Variants in WWOX observed in about 807,000 individuals in gnomAD.
The protein encoded by WWOX is WW domain-containing oxidoreductase.
Under a neutral mutation model 46.2 loss-of-function variants are expected in WWOX, and 69 were observed. That is an observed-to-expected ratio of 1.49 (90% CI 1.23 to 1.82). WWOX has a LOEUF of 1.82. WWOX is among the 40% of genes most tolerant of loss of function. The pLI, the probability that WWOX is intolerant of heterozygous loss-of-function variation, is 0.00. For missense variants in WWOX, 919 were observed against 542.6 expected (o/e 1.69, Z -6.89); for synonymous variants, 359 against 202.6 (o/e 1.77, Z -6.56).
intron 8 of WWOX, among the ~76,000 whole-genome samples, chr16:78,561,569 G>A (rs780493086): frequency 8.6e-5 from 13 of 151,612 alleles, no homozygotes; most frequent in Admixed American, 7.9e-4. Context: ...AGAATTTTAT[G>A]TATCAAAGCC....
At chr16:78,764,019 T>G (rs1275360821) in intron 8 of WWOX, among the ~76,000 whole-genome samples, 1 of 152,298 alleles carries the variant, frequency 6.6e-6, no homozygotes, top group East Asian at 1.9e-4. Context: ...AGATCATGCT[T>G]GGAGTGGCAC....
At chr16:78,725,534 A>G (rs1483150971) in intron 8 of WWOX, among the ~76,000 whole-genome samples, 1 of 150,822 alleles carries the variant, frequency 6.6e-6, no homozygotes, top group African/African-American at 2.4e-5. Flanking sequence ...TTTAGTAGAA[A>G]TGGGGTTTCA....
chr16:79,192,603 C>T (rs1289552003), intron 8 of WWOX, among the ~76,000 whole-genome samples: 1 of 152,198 alleles, frequency 6.6e-6, no homozygotes, highest in East Asian at 1.9e-4. Flanking sequence ...CCTAGGTATT[C>T]AGAAGCACCC....
chr16:78,528,808 C>T (rs1160755972), intron 8 of WWOX, among the ~76,000 whole-genome samples: 2 of 152,072 alleles, frequency 1.3e-5, no homozygotes, highest in African/African-American at 2.4e-5. Context: ...TCGTGTTCAG[C>T]ATTAAGGATT....
intron 8 of WWOX, among the ~76,000 whole-genome samples, chr16:78,569,038 C>T (rs375860507): frequency 2.0e-5 from 3 of 152,246 alleles, no homozygotes; most frequent in African/African-American, 7.2e-5. Flanking sequence ...TTGGAGGCAC[C>T]TGGGTGTCAG....
chr16:78,289,477 G>A (rs976786782), intron 5 of WWOX, among the ~76,000 whole-genome samples: 1 of 152,134 alleles, frequency 6.6e-6, no homozygotes, highest in Non-Finnish European at 1.5e-5. Context: ...AAGGAACAGG[G>A]TAGCAACTCT....
At chr16:78,469,713 G>A (rs1044620873) in intron 8 of WWOX, among the ~76,000 whole-genome samples, 2 of 152,282 alleles carry the variant, frequency 1.3e-5, no homozygotes, top group Admixed American at 6.5e-5. Flanking sequence ...GCTGGGCCAT[G>A]GGTTGTGTTT....
chr16:79,172,441 C>T (rs966080482), intron 8 of WWOX, among the ~76,000 whole-genome samples: 9 of 152,176 alleles, frequency 5.9e-5, no homozygotes, highest in African/African-American at 2.2e-4. Context: ...AACTCAAGAG[C>T]AGCAACCACT....
chr16:78,944,042 C>A (rs915651455), intron 8 of WWOX, among the ~76,000 whole-genome samples: 7 of 152,122 alleles, frequency 4.6e-5, no homozygotes, highest in African/African-American at 1.7e-4. Context: ...TAAACAAAAA[C>A]ACAAAATCAA....
At chr16:78,125,780 A>G (rs553843968) in intron 4 of WWOX, among the ~76,000 whole-genome samples, 1 of 152,298 alleles carries the variant, frequency 6.6e-6, no homozygotes, top group African/African-American at 2.4e-5. Flanking sequence ...ACATTAAGGA[A>G]TAAGTCTGGG....
chr16:78,501,377 G>A (rs1183065216), intron 8 of WWOX, among the ~76,000 whole-genome samples: 1 of 151,998 alleles, frequency 6.6e-6, no homozygotes, highest in African/African-American at 2.4e-5. Flanking sequence ...CTAGCCGGCT[G>A]CAGCAGTGTC....
chr16:78,760,333 G>A (rs151098707), intron 8 of WWOX, among the ~76,000 whole-genome samples: 28 of 152,286 alleles, frequency 1.8e-4, no homozygotes, highest in African/African-American at 6.7e-4. Context: ...TGGGAATTAT[G>A]GGAGCTACAA....
At chr16:79,165,306 G>T (rs1320921390) in intron 8 of WWOX, among the ~76,000 whole-genome samples, 1 of 152,168 alleles carries the variant, frequency 6.6e-6, no homozygotes, top group Non-Finnish European at 1.5e-5. Context: ...GCACACATGG[G>T]TGCGTATATG....
intron 8 of WWOX, among the ~76,000 whole-genome samples, chr16:78,818,367 G>C (rs989203197): frequency 6.6e-6 from 1 of 152,204 alleles, no homozygotes; most frequent in Non-Finnish European, 1.5e-5. Flanking sequence ...GATTAGGGTT[G>C]GTTGAGCTGT....
intron 8 of WWOX, among the ~76,000 whole-genome samples, chr16:79,166,211 C>T (rs1275643354): frequency 1.3e-5 from 2 of 152,148 alleles, no homozygotes; most frequent in African/African-American, 4.8e-5. Flanking sequence ...ACTTCAATCA[C>T]TTCTGGAGGC....
At chr16:78,667,051 A>G (rs2047347345) in intron 8 of WWOX, among the ~76,000 whole-genome samples, 1 of 152,140 alleles carries the variant, frequency 6.6e-6, no homozygotes, top group Non-Finnish European at 1.5e-5. Flanking sequence ...CTCTTACATA[A>G]TGGTCAGAGG....
At chr16:78,925,274 C>T (rs747669886) in intron 8 of WWOX, among the ~76,000 whole-genome samples, 1 of 152,226 alleles carries the variant, frequency 6.6e-6, no homozygotes, top group Non-Finnish European at 1.5e-5. Flanking sequence ...ATTGCTGCCA[C>T]TGGGTGGCAG....
chr16:78,325,243 A>T (rs2080586323), intron 5 of WWOX, among the ~76,000 whole-genome samples: 2 of 152,216 alleles, frequency 1.3e-5, no homozygotes. Flanking sequence ...CACATGTCTA[A>T]TTTTAAATAT....
In WWOX at chr16:78,256,726, A is replaced by G. The variant is rs1001400675; in HGVS notation, c.516+92437A>G. ...GAATGACTGAATGAATGGTTGATGTACAGAAACATGAACAGAGAGTAGAGC... is the reference window on the plus strand; with the variant it reads ...GAATGACTGAATGAATGGTTGATGTGCAGAAACATGAACAGAGAGTAGAGC... On this transcript the variant is annotated intron_variant, in intron 5 of 8. Coordinates refer to ENST00000566780, the MANE Select transcript of WWOX (RefSeq NM_016373.4). 2.0e-5 allele frequency among the ~76,000 whole-genome samples: 3 copies of G among 152,192 alleles called. No homozygotes were observed. In the South Asian group the frequency reaches 6.2e-4, roughly 32 times the overall value.
Sources: gnomAD v4.1 joint callset for allele counts (sites outside exome capture counted in the v4.1 genomes callset) on GRCh38, gnomAD v4.1.1 for gene constraint, MANE v1.5 for transcripts, NCBI Gene and HGNC (gene_info 2026-07-23, HGNC 2026-07-21) for gene names.